DENND4C: variants seen among roughly 807,000 people sequenced by gnomAD.
DENND4C encodes DENN domain-containing protein 4C.
DENND4C carries 108 observed loss-of-function variants against 203.0 expected under a neutral mutation model. The observed-to-expected ratio is 0.53, with a 90% CI of 0.46 to 0.62. The LOEUF (loss-of-function observed/expected upper bound fraction) is 0.62, where lower values mean the gene tolerates loss of function less well. DENND4C is among the 20% of genes least tolerant of loss of function. The pLI is 0.00. For synonymous variants in DENND4C, 871 were observed against 792.4 expected (o/e 1.10, Z -1.67); for missense variants, 2,481 against 2,301.2 (o/e 1.08, Z -1.60).
intron 10 of DENND4C, among the ~76,000 whole-genome samples, chr9:19,313,937 C>G (rs1180268171): frequency 6.6e-6 from 1 of 152,136 alleles, no homozygotes; most frequent in African/African-American, 2.4e-5. Context: ...CAGTGATTAG[C>G]TAGGTATGGT....
At chr9:19,244,685 A>C (rs1323108730) in intron 1 of DENND4C, among the ~76,000 whole-genome samples, 1 of 150,612 alleles carries the variant, frequency 6.6e-6, no homozygotes, top group East Asian at 2.0e-4. Context: ...GGTTGCAGTG[A>C]GCGGAGATCG....
chr9:19,262,662 C>T (rs1054846971), intron 1 of DENND4C, among the ~76,000 whole-genome samples: 1 of 151,932 alleles, frequency 6.6e-6, no homozygotes, highest in Admixed American at 6.6e-5. Flanking sequence ...TAATTCCTGG[C>T]CTCAAGTGAT....
At chr9:19,260,523 G>A (rs1257196937) in intron 1 of DENND4C, among the ~76,000 whole-genome samples, 5 of 151,880 alleles carry the variant, frequency 3.3e-5, no homozygotes, top group African/African-American at 9.7e-5. Flanking sequence ...TCAGCCTCCC[G>A]AGTAGCTGGA....
intron 1 of DENND4C, among the ~76,000 whole-genome samples, chr9:19,245,679 A>G (rs1311434441): frequency 6.6e-6 from 1 of 151,934 alleles, no homozygotes; most frequent in African/African-American, 2.4e-5. Context: ...ACGTGGTGAA[A>G]CCCCGTCTCT....
At chr9:19,335,316 C>T (rs571748503) in intron 18 of DENND4C, among the ~76,000 whole-genome samples, 9 of 152,176 alleles carry the variant, frequency 5.9e-5, no homozygotes, top group South Asian at 4.2e-4. Flanking sequence ...ATGGCTCAAT[C>T]GAGCTATTAA....
chr9:19,369,572 A>G (rs1281507324), intron 30 of DENND4C, among the ~76,000 whole-genome samples: 1 of 151,772 alleles, frequency 6.6e-6, no homozygotes, highest in Non-Finnish European at 1.5e-5. Flanking sequence ...TTTGAGACCA[A>G]CCTGGGCAAC....
intron 2 of DENND4C, among the ~76,000 whole-genome samples, chr9:19,285,291 A>T (rs1485418959): frequency 6.6e-6 from 1 of 152,134 alleles, no homozygotes; most frequent in African/African-American, 2.4e-5. Flanking sequence ...TTGGGTTTTA[A>T]CAGCTTTATG....
chr9:19,251,856 G>A (rs1826687662), intron 1 of DENND4C, among the ~76,000 whole-genome samples: 2 of 152,064 alleles, frequency 1.3e-5, no homozygotes, highest in South Asian at 4.1e-4. Flanking sequence ...TCCATATCAC[G>A]ATCAGCATTT....
At chr9:19,242,511 A>T (rs910114124) in intron 1 of DENND4C, among the ~76,000 whole-genome samples, 12 of 152,230 alleles carry the variant, frequency 7.9e-5, no homozygotes, top group African/African-American at 2.7e-4. Flanking sequence ...ACTGCCTTCC[A>T]AAAGGGCTGT....
intron 5 of DENND4C, among the ~76,000 whole-genome samples, chr9:19,295,096 G>T (rs980941932): frequency 6.6e-6 from 1 of 152,338 alleles, no homozygotes; most frequent in East Asian, 1.9e-4. Flanking sequence ...CACAGGCCGG[G>T]TGCAGTGGCT....
intron 1 of DENND4C, among the ~76,000 whole-genome samples, chr9:19,248,226 C>G (rs77336400): frequency 0.018 from 2,665 of 152,278 alleles, 43 homozygotes; most frequent in Non-Finnish European, 0.022. Flanking sequence ...TCCTACTACT[C>G]TAAGCTCAAG....
At chr9:19,298,258 T>C in intron 7 of DENND4C, 136 bp downstream of exon 7, 1 of 689,392 alleles carries the variant, frequency 1.5e-6, no homozygotes, top group Non-Finnish European at 2.4e-6. Flanking sequence ...CTGTGCTTTG[T>C]AGCTTTACTG....
rs1196836229 is a variant in DENND4C at position 19,374,048 on chromosome 9, T to TACTTAAC, written c.*1881_*1887dup. Among the ~76,000 whole-genome samples the TACTTAAC allele has an allele frequency of 3.3e-5, 5 of 152,208 alleles. No individual in the cohort carries two copies. Among genetic ancestry groups the TACTTAAC allele is most frequent in the Admixed American group, 3.3e-4 (5 of 15,274 alleles). On this transcript the variant is annotated 3_prime_UTR_variant, in exon 33 of 33. Coordinates refer to ENST00000434457, the MANE Select transcript of DENND4C (RefSeq NM_001330640.2). The stretch of plus-strand genomic sequence containing the variant: ...ACTCAAGACTTGGTACTAGTTTTAA[T>TACTTAAC]ACTTAACACTTACTGACCCAACAGA...
At chr9:19,264,550 G>A (rs764970638) in intron 1 of DENND4C, among the ~76,000 whole-genome samples, 8 of 151,698 alleles carry the variant, frequency 5.3e-5, no homozygotes, top group East Asian at 3.9e-4. Context: ...CAAGTGATCC[G>A]CCTGCTTTGG....
At chr9:19,282,260 AT>A (rs1456533901) in intron 2 of DENND4C, among the ~76,000 whole-genome samples, 1 of 151,274 alleles carries the variant, frequency 6.6e-6, no homozygotes, top group African/African-American at 2.4e-5. Context: ...TTATTCTTTT[AT>A]TTTTTATTTT....
At chr9:19,232,939 C>G (rs954825100) in intron 1 of DENND4C, among the ~76,000 whole-genome samples, 1 of 151,934 alleles carries the variant, frequency 6.6e-6, no homozygotes, top group Non-Finnish European at 1.5e-5. Context: ...CTGGAGCTTC[C>G]TGCCAAAACA....
chr9:19,300,401 C>A, intron 9 of DENND4C, 70 bp downstream of exon 9: 1 of 1,324,948 alleles, frequency 7.5e-7, no homozygotes, highest in Non-Finnish European at 9.9e-7. Context: ...AAATTTTCTT[C>A]AAAAACAGCA....
chr9:19,330,263 A>G (rs2131757865), intron 16 of DENND4C, among the ~76,000 whole-genome samples: 1 of 151,208 alleles, frequency 6.6e-6, no homozygotes, highest in Admixed American at 6.6e-5. Flanking sequence ...AAACAAGGGC[A>G]TGTATTTTTA....
At chr9:19,270,623 C>T (rs183968598) in intron 1 of DENND4C, among the ~76,000 whole-genome samples, 1 of 152,086 alleles carries the variant, frequency 6.6e-6, no homozygotes, top group East Asian at 1.9e-4. Context: ...GTTGTTTTCA[C>T]CTTTTGGCTA....
Sources: gnomAD v4.1 joint callset for allele counts (sites outside exome capture counted in the v4.1 genomes callset) on GRCh38, gnomAD v4.1.1 for gene constraint, MANE v1.5 for transcripts, NCBI Gene and HGNC (gene_info 2026-07-23, HGNC 2026-07-21) for gene names.